Variants in CELF2 observed in about 807,000 individuals in gnomAD.
The protein encoded by CELF2 is CUGBP Elav-like family member 2.
In CELF2, 8 loss-of-function variants were observed where a neutral mutation model predicts 62.6. The observed-to-expected ratio is 0.13, with a 90% CI of 0.07 to 0.23. CELF2 has a LOEUF of 0.23. Among genes scored for constraint, CELF2 ranks in the 10% least tolerant of loss-of-function variants. CELF2 has a pLI of 1.00. For synonymous variants in CELF2, 258 were observed against 250.0 expected, an observed-to-expected ratio of 1.03 and a Z score of -0.30; for missense variants, 333 against 671.0, an observed-to-expected ratio of 0.50 and a Z score of 5.56.
At chr10:10,645,833 C>T in the CELF2 span, among the ~76,000 whole-genome samples, 1 of 152,150 alleles carries the variant, frequency 6.6e-6, no homozygotes, top group African/African-American at 2.4e-5. Flanking sequence ...ATATTCCTGT[C>T]TAAAACCCTC....
At chr10:11,084,086 A>G (rs1428298228) in intron 1 of CELF2, among the ~76,000 whole-genome samples, 3 of 152,220 alleles carry the variant, frequency 2.0e-5, no homozygotes, top group African/African-American at 4.8e-5. Flanking sequence ...ATGTTTTGGC[A>G]AGGAAAGGAA....
intron 1 of CELF2, among the ~76,000 whole-genome samples, chr10:10,875,397 G>A (rs999500891): frequency 1.3e-5 from 2 of 152,188 alleles, no homozygotes; most frequent in Admixed American, 6.5e-5. Flanking sequence ...TTTTCAGAGG[G>A]GATTTTTATA....
chr10:11,081,253 A>G (rs1594812709), intron 1 of CELF2, among the ~76,000 whole-genome samples: 1 of 152,324 alleles, frequency 6.6e-6, no homozygotes. Context: ...AGCTTTTACA[A>G]AGGGATTTTC....
At chr10:10,539,683 C>T in the CELF2 span, among the ~76,000 whole-genome samples, 1 of 152,204 alleles carries the variant, frequency 6.6e-6, no homozygotes, top group Non-Finnish European at 1.5e-5. Flanking sequence ...TTTTACTCAG[C>T]TTGCACTGAG....
upstream of CELF2, chr10:11,005,292 G>C (rs1454810292): frequency 7.6e-6 from 12 of 1,586,594 alleles, no homozygotes; most frequent in Non-Finnish European, 8.6e-6. This position sits in a 1 kb window ranked among gnomAD's most constrained non-coding sequence, Gnocchi z 4.3. Context: ...GAGAGAGAGA[G>C]AGGGAGGAGA....
At chr10:11,248,279 C>T (rs773559865) in intron 3 of CELF2, among the ~76,000 whole-genome samples, 3 of 152,136 alleles carry the variant, frequency 2.0e-5, no homozygotes, top group Non-Finnish European at 4.4e-5. Context: ...CTCTGCGGAC[C>T]AGGCACCGGG....
the CELF2 span, among the ~76,000 whole-genome samples, chr10:10,673,388 T>G: frequency 6.6e-6 from 1 of 152,110 alleles, no homozygotes; most frequent in African/African-American, 2.4e-5. Context: ...AATAAACCCT[T>G]TTTCATTTCT....
chr10:10,817,551 C>T (rs979154229), intron 1 of CELF2, among the ~76,000 whole-genome samples: 2 of 152,082 alleles, frequency 1.3e-5, no homozygotes, highest in African/African-American at 4.8e-5. Flanking sequence ...TTTTAGATCC[C>T]ACCAGTAAGT....
intron 3 of CELF2, among the ~76,000 whole-genome samples, chr10:11,225,238 G>C (rs749723712): frequency 6.6e-6 from 1 of 151,982 alleles, no homozygotes. Flanking sequence ...TGTGACAAAG[G>C]CTCTCTTTCA....
the CELF2 span, among the ~76,000 whole-genome samples, chr10:10,686,184 G>A: frequency 6.6e-6 from 1 of 151,990 alleles, no homozygotes; most frequent in African/African-American, 2.4e-5. Context: ...AGTGTTGATA[G>A]GATTGCAGAT....
chr10:10,821,169 G>A (rs1248742174), intron 1 of CELF2, among the ~76,000 whole-genome samples: 1 of 152,204 alleles, frequency 6.6e-6, no homozygotes, highest in Non-Finnish European at 1.5e-5. Flanking sequence ...AGGCAACCAG[G>A]TTTGGGGTTG....
At chr10:11,130,671 T>C (rs892343855) in intron 1 of CELF2, among the ~76,000 whole-genome samples, 2 of 152,242 alleles carry the variant, frequency 1.3e-5, no homozygotes, top group Non-Finnish European at 2.9e-5. Flanking sequence ...GTTAGTAATG[T>C]TGTGGGGAAT....
intron 2 of CELF2, among the ~76,000 whole-genome samples, chr10:10,982,150 T>G (rs944594211): frequency 6.6e-6 from 1 of 151,982 alleles, no homozygotes; most frequent in Non-Finnish European, 1.5e-5. Context: ...GAGACAGGTT[T>G]CACCATGTTG....
In CELF2 at chr10:10,934,179, T is replaced by C. The variant is rs2135250685; in HGVS notation, c.89+14180T>C. The stretch of plus-strand genomic sequence containing the variant: ...CCTTATTGTGATTTGCTTTGTTTTG[T>C]TTTCAATACCAGTAGGGGCATTGGA... On this transcript the variant is annotated intron_variant, in intron 2 of 13. Coordinates refer to the CELF2 transcript ENST00000636488. The surrounding 1 kb of genome is among the most constrained non-coding windows in gnomAD (Gnocchi z 4.4). 6.6e-6 allele frequency among the ~76,000 whole-genome samples: 1 copy of C among 152,290 alleles called. No homozygotes were observed. The highest frequency in any genetic ancestry group is 1.9e-4 in the East Asian group (1 of 5,190).
At position 11,329,454 on chromosome 10, in the gene CELF2, A is replaced by C. The variant is rs1322923273; in HGVS notation, c.*401A>C. ...AATGTGCAATTCTAACTCTGAAACC[A>C]CTGGTGCCCCGAGAGCACTGCCTGG... On this transcript the variant is annotated 3_prime_UTR_variant, in exon 13 of 13. Transcript: ENST00000633077. The surrounding 1 kb of genome is among the most constrained non-coding windows in gnomAD (Gnocchi z 5.5). 1 of 152,946 alleles carries C rather than the reference A, an allele frequency of 6.5e-6. No homozygotes were observed. The highest frequency in any genetic ancestry group is 2.4e-5 in the African/African-American group (1 of 41,448). The allele number at this position is 152,946 out of a possible 1,614,324, so 9.5% of individuals were successfully genotyped here.
the CELF2 span, among the ~76,000 whole-genome samples, chr10:10,705,309 G>A: frequency 0.013 from 1,988 of 150,762 alleles, 43 homozygotes; most frequent in African/African-American, 0.045. Flanking sequence ...CTGTGCGTGT[G>A]TGAGTCCCAT....
At chr10:10,808,295 A>G (rs7088716) in intron 1 of CELF2, among the ~76,000 whole-genome samples, 108,125 of 152,118 alleles carry the variant, frequency 0.71, 38,663 homozygotes, top group East Asian at 0.79. Flanking sequence ...TTGAAATACC[A>G]CATTTACCTG....
At chr10:10,536,629 C>G in the CELF2 span, among the ~76,000 whole-genome samples, 3 of 152,158 alleles carry the variant, frequency 2.0e-5, no homozygotes, top group African/African-American at 7.2e-5. Context: ...AGAATGTCAG[C>G]AAGTGTCCCA....
Position 11,260,458 on chromosome 10 carries a change from A to G in CELF2, c.538+2586A>G, listed in dbSNP as rs2080163176. Among the ~76,000 whole-genome samples, 1 of 152,208 alleles carries G rather than the reference A, an allele frequency of 6.6e-6. No individual in the cohort carries two copies. The highest frequency in any genetic ancestry group is 2.1e-4 in the South Asian group (1 of 4,832). ...AGGTTTTAAAGCAGCCAGAACCTCC[A>G]TGGGAAAGAGCAGGACACGCAGTAC... On this transcript the variant is annotated intron_variant, in intron 5 of 12. Transcript: ENST00000633077. The surrounding 1 kb of genome is among the most constrained non-coding windows in gnomAD (Gnocchi z 4.2).
Sources: allele counts gnomAD v4.1 joint callset (sites outside exome capture counted in the v4.1 genomes callset), GRCh38; gene constraint gnomAD v4.1.1; non-coding constraint Gnocchi (gnomAD v3.1); transcripts MANE v1.5; gene names NCBI Gene and HGNC (gene_info 2026-07-23, HGNC 2026-07-21).